KIF1C: variants seen among roughly 807,000 people sequenced by gnomAD.
KIF1C encodes kinesin family member 1C, also known as kinesin-like protein KIF1C.
In KIF1C, 61 loss-of-function variants were observed where a neutral mutation model predicts 126.5. The ratio of observed to expected loss-of-function variants is 0.48; its 90% CI spans 0.39 to 0.60. The LOEUF (loss-of-function observed/expected upper bound fraction) is 0.60, where lower values mean the gene tolerates loss of function less well. KIF1C is among the 20% of genes least tolerant of loss of function. The pLI is 0.00. For missense variants in KIF1C, 1,315 were observed against 1,489.2 expected, an observed-to-expected ratio of 0.88 and a Z score of 1.93; for synonymous variants, 640 against 580.6, an observed-to-expected ratio of 1.10 and a Z score of -1.47.
intron 3 of KIF1C, 109 bp downstream of exon 3, chr17:5,000,461 G>A: frequency 1.3e-6 from 1 of 791,596 alleles, no homozygotes; most frequent in Non-Finnish European, 2.1e-6. Flanking sequence ...TGGGCACAGA[G>A]CAGGTGCTAG....
At chr17:5,002,902 A>G in intron 8 of KIF1C, 60 bp downstream of exon 8, 2 of 1,330,882 alleles carry the variant, frequency 1.5e-6, no homozygotes, top group Non-Finnish European at 2.1e-6. Flanking sequence ...CAACAGGGAC[A>G]GTGACATGGT....
intron 18 of KIF1C, 94 bp from the exon 19 acceptor site, chr17:5,019,902 T>C: frequency 1.1e-6 from 1 of 913,256 alleles, no homozygotes; most frequent in Non-Finnish European, 1.8e-6. Context: ...GGTGCATGTG[T>C]GGTTTTTTGG....
At chr17:5,001,744 G>A (rs1456521570) in intron 5 of KIF1C, among the ~76,000 whole-genome samples, 2 of 152,230 alleles carry the variant, frequency 1.3e-5, no homozygotes, top group African/African-American at 4.8e-5. Flanking sequence ...AGTGTTAACT[G>A]TAGAAACGCC....
chr17:5,023,288 C>G lies in KIF1C; in HGVS notation c.2629-180C>G, dbSNP rs914142789. ...CCCACCTCAGCTTCCCAAAGTGCTGCGATTACAGGCGTGAGCCACTGCGCC... is the reference window on the plus strand; with the variant it reads ...CCCACCTCAGCTTCCCAAAGTGCTGGGATTACAGGCGTGAGCCACTGCGCC... On this transcript the variant is annotated intron_variant, in intron 22 of 22. Coordinates refer to ENST00000320785, the MANE Select transcript of KIF1C (RefSeq NM_006612.6). This position sits in a 1 kb window ranked among gnomAD's most constrained non-coding sequence, Gnocchi z 4.2. Among the ~76,000 whole-genome samples the G allele has an allele frequency of 6.6e-6, 1 of 151,992 alleles. No homozygotes were observed. Among genetic ancestry groups the G allele is most frequent in the Non-Finnish European group, 1.5e-5 (1 of 67,990 alleles).
intron 16 of KIF1C, among the ~76,000 whole-genome samples, chr17:5,008,489 C>T (rs1309763935): frequency 6.6e-6 from 1 of 152,210 alleles, no homozygotes; most frequent in Non-Finnish European, 1.5e-5. Context: ...GGCCCTAAGT[C>T]AGATACACTG....
rs77816173 is a variant in KIF1C, at chr17:5,015,039, A to G, written c.1666+202A>G. Among the ~76,000 whole-genome samples the G allele has an allele frequency of 0.034, 5,185 of 152,232 alleles. 112 individuals are homozygous for G. The highest frequency in any genetic ancestry group is 0.038 in the Non-Finnish European group (2,587 of 68,022). The stretch of plus-strand genomic sequence containing the variant: ...GGCCCAGCCCTCTGCACCCACCCTG[A>G]GAAGACAGACTACTGTGTGGTCAGG... On this transcript the variant is annotated intron_variant, in intron 18 of 22. Transcript: ENST00000320785.
chr17:5,000,982 G>A (rs1169573499), intron 4 of KIF1C, 134 bp downstream of exon 4: 28 of 1,007,946 alleles, frequency 2.8e-5, no homozygotes, highest in Admixed American at 9.6e-5. Flanking sequence ...CTGGGTGGGG[G>A]TGGTAGGACC....
chr17:5,003,768 ACT>A (rs1473860071), intron 9 of KIF1C, 79 bp downstream of exon 9: 122 of 1,550,948 alleles, frequency 7.9e-5, no homozygotes, highest in Non-Finnish European at 1.0e-4. Flanking sequence ...GGAACCTGAG[ACT>A]CTCACTGGGG....
chr17:5,002,678 C>T (rs1228652023), intron 7 of KIF1C, 36 bp downstream of exon 7: 2 of 1,611,740 alleles, frequency 1.2e-6, no homozygotes, highest in Non-Finnish European at 1.7e-6. Flanking sequence ...GCAAGGGGGC[C>T]AGGGTTGGGA....
rs999898090 is a variant in KIF1C, at chr17:5,024,138, G to T, written c.3299G>T (p.Gly1100Val). 6.2e-7 allele frequency: 1 copy of T among 1,609,574 alleles called. No homozygotes were observed. Among genetic ancestry groups the T allele is most frequent in the Admixed American group, 1.7e-5 (1 of 59,546 alleles). ...QRSAPDLKES[G>V]AAV ...TCTGCCCCTGACCTCAAGGAGAGTG[G>T]GGCAGCTGTGTGAGTCCCACATCCT... is the stretch of plus-strand genomic sequence containing the variant. The change falls in exon 23 of 23, where the codon GGG becomes GTG. Residue 1100 changes from glycine to valine, a missense_variant. Coordinates refer to ENST00000320785, the MANE Select transcript of KIF1C (RefSeq NM_006612.6).
intron 13 of KIF1C, among the ~76,000 whole-genome samples, chr17:5,006,616 G>A (rs748047422): frequency 6.6e-6 from 1 of 152,186 alleles, no homozygotes; most frequent in South Asian, 2.1e-4. Context: ...GATTACAGGT[G>A]TGAGTCACCA....
At position 5,022,146 on chromosome 17, in the gene KIF1C, T is replaced by C. The variant is rs749304445; in HGVS notation, c.2065T>C (p.Trp689Arg). 8 of 1,613,598 alleles carry C rather than the reference T, an allele frequency of 5.0e-6. No homozygotes were observed. The African/African-American group carries it at 5.3e-5, about 11-fold the overall frequency. The change falls in exon 22 of 23, where the codon TGG (tryptophan) becomes CGG (arginine). Residue 689 changes from tryptophan to arginine, a missense_variant. By Grantham distance (101) the Trp-to-Arg change is moderately radical. Around this residue, in one of 2 missense-constraint regions of KIF1C, gnomAD observed 874 missense variants for 1,053.2 expected, o/e 0.83. Coordinates refer to ENST00000320785, the MANE Select transcript of KIF1C (RefSeq NM_006612.6). This position sits in a 1 kb window ranked among gnomAD's most constrained non-coding sequence, Gnocchi z 4.9. Reference sequence around the variant, plus strand: ...TGACAAGCGCTCTTGTGAAGAGAGCTGGAGGCTCATCTCCTCCTTGCGGGA... The same window carrying C: ...TGACAAGCGCTCTTGTGAAGAGAGCCGGAGGCTCATCTCCTCCTTGCGGGA... ...DSDKRSCEES[W>R]RLISSLREQL...
intron 16 of KIF1C, among the ~76,000 whole-genome samples, chr17:5,007,865 A>G (rs1219944354): frequency 3.3e-5 from 5 of 152,150 alleles, no homozygotes; most frequent in Non-Finnish European, 4.4e-5. Flanking sequence ...AAAGAAATCT[A>G]TTTTTCAGAA....
At position 5,024,054 on chromosome 17, in the gene KIF1C, G is replaced by A. The variant is rs1324564327; in HGVS notation, c.3215G>A (p.Arg1072Gln). 1.2e-5 allele frequency: 19 copies of A among 1,582,380 alleles called. No individual in the cohort carries two copies. The highest frequency in any genetic ancestry group is 1.5e-5 in the Non-Finnish European group (18 of 1,164,256). The change falls in exon 23 of 23, where the codon CGG becomes CAG. Residue 1072 changes from arginine (R) to glutamine (Q), a missense_variant. Physicochemically the swap from Arg to Gln is conservative, Grantham distance 43. This residue lies in a region of KIF1C where 441 missense variants were observed against 436.1 expected (regional missense o/e 1.01). Coordinates refer to ENST00000320785, the MANE Select transcript of KIF1C (RefSeq NM_006612.6). ...PQPPQPYPAQ[R>Q]PPGPRYPPYT... ...CCACCCCAACCCTACCCAGCCCAGC[G>A]GCCCCCAGGGCCCCGCTACCCCCCA...
intron 4 of KIF1C, 47 bp downstream of exon 4, chr17:5,000,895 ATT>A: frequency 6.4e-7 from 1 of 1,558,426 alleles, no homozygotes. Flanking sequence ...GAGACAGAGG[ATT>A]TAGGTCCTGG....
intron 18 of KIF1C, among the ~76,000 whole-genome samples, chr17:5,017,442 G>T (rs1567726575): frequency 6.6e-6 from 1 of 151,652 alleles, no homozygotes; most frequent in Non-Finnish European, 1.5e-5. Flanking sequence ...TGGGACTACA[G>T]GCGCCCCCCC....
At chr17:5,019,849 A>T in intron 18 of KIF1C, 147 bp from the exon 19 acceptor site, 1 of 641,956 alleles carries the variant, frequency 1.6e-6, no homozygotes, top group Non-Finnish European at 2.9e-6. Context: ...CTGCCACCAG[A>T]GGGGCCATGG....
Position 5,010,530 on chromosome 17 carries a change from C to T in KIF1C, c.1491+2988C>T, listed in dbSNP as rs972430696. Among the ~76,000 whole-genome samples the T allele has an allele frequency of 3.3e-5, 5 of 151,930 alleles. No homozygotes were observed. The East Asian group carries it at 8.0e-4, about 24-fold the overall frequency. The stretch of plus-strand genomic sequence containing the variant: ...TTGGGAGGCCGAGGCGGGCGGATCA[C>T]GAGGTCAGGAGATCGAGACCATCCT... On this transcript the variant is annotated intron_variant, in intron 16 of 22. Coordinates refer to ENST00000320785, the MANE Select transcript of KIF1C (RefSeq NM_006612.6).
Position 5,023,162 on chromosome 17 carries a change from GCA to G in KIF1C, c.2629-304_2629-303del, listed in dbSNP as rs1162374932. Reference sequence around the variant, plus strand: ...CCTGAGTAGCTGGGACTACAGGCGCGCACCACCACACCCGGCTAATTTTTTTT... The same window carrying G: ...CCTGAGTAGCTGGGACTACAGGCGCGCCACCACACCCGGCTAATTTTTTTT... On this transcript the variant is annotated intron_variant, in intron 22 of 22. Transcript: ENST00000320785. This position sits in a 1 kb window ranked among gnomAD's most constrained non-coding sequence, Gnocchi z 4.2. 4.5e-3 allele frequency among the ~76,000 whole-genome samples: 691 copies of G among 151,970 alleles called. 7 individuals are homozygous for G. The highest frequency in any genetic ancestry group is 0.015 in the African/African-American group (642 of 41,438).
Sources: allele counts gnomAD v4.1 joint callset (sites outside exome capture counted in the v4.1 genomes callset), GRCh38; gene constraint gnomAD v4.1.1; regional missense constraint gnomAD v4.1.1; non-coding constraint Gnocchi (gnomAD v3.1); transcripts MANE v1.5; gene names NCBI Gene and HGNC (gene_info 2026-07-23, HGNC 2026-07-21).